The following KCNJ3 variants were observed in gnomAD, a reference collection of about 807,000 sequenced individuals.
KCNJ3 encodes the protein G protein-activated inward rectifier potassium channel 1.
A neutral mutation model predicts 39.2 loss-of-function variants in KCNJ3; 4 were observed. The observed-to-expected ratio is 0.10, with a 90% CI of 0.05 to 0.23. The LOEUF is 0.23. Ranked by LOEUF, KCNJ3 falls within the 10% of genes least tolerant of loss-of-function variation. The pLI is 1.00. For missense variants in KCNJ3, 276 were observed against 634.9 expected (o/e 0.43, Z 6.08); for synonymous variants, 230 against 237.4 (o/e 0.97, Z 0.29).
intron 2 of KCNJ3, among the ~76,000 whole-genome samples, chr2:154,814,455 T>G (rs1049731148): frequency 2.6e-5 from 4 of 152,020 alleles, no homozygotes; most frequent in African/African-American, 9.7e-5. Flanking sequence ...CTGGCCAACA[T>G]GGTGAAACCT....
chr2:154,739,332 T>C (rs1412754840), intron 2 of KCNJ3, among the ~76,000 whole-genome samples: 2 of 152,086 alleles, frequency 1.3e-5, no homozygotes, highest in Non-Finnish European at 2.9e-5. Flanking sequence ...GCACAAGATA[T>C]TTTTTCTTTC....
At chr2:154,730,462 T>C (rs1685431209) in intron 2 of KCNJ3, among the ~76,000 whole-genome samples, 2 of 152,106 alleles carry the variant, frequency 1.3e-5, no homozygotes, top group Admixed American at 1.3e-4. Context: ...CTTAATAATT[T>C]AAAAGTCCAA....
At chr2:154,746,840 T>C (rs1313015634) in intron 2 of KCNJ3, among the ~76,000 whole-genome samples, 1 of 151,830 alleles carries the variant, frequency 6.6e-6, no homozygotes, top group Admixed American at 6.6e-5. Flanking sequence ...AAATGATTTG[T>C]GAAATATATT....
At chr2:154,780,879 T>A (rs1686427720) in intron 2 of KCNJ3, among the ~76,000 whole-genome samples, 2 of 152,204 alleles carry the variant, frequency 1.3e-5, no homozygotes, top group African/African-American at 4.8e-5. Flanking sequence ...GTTTACTTGC[T>A]ATCCCCAGAA....
chr2:154,831,923 G>C (rs1363005381), intron 2 of KCNJ3, among the ~76,000 whole-genome samples: 6 of 152,146 alleles, frequency 3.9e-5, no homozygotes. Context: ...TTTGCTTCTG[G>C]TGAGGACTCA....
intron 2 of KCNJ3, among the ~76,000 whole-genome samples, chr2:154,788,138 A>G (rs1686566661): frequency 6.6e-6 from 1 of 152,126 alleles, no homozygotes; most frequent in Non-Finnish European, 1.5e-5. Context: ...TAAGATACAG[A>G]AAAGGAGGCC....
Position 154,844,977 on chromosome 2 carries a change from A to G in KCNJ3, c.920-9750A>G, listed in dbSNP as rs181990576. On this transcript the variant is annotated intron_variant, in intron 2 of 2. Coordinates refer to ENST00000295101, the MANE Select transcript of KCNJ3 (RefSeq NM_002239.4). ...TGCACCCACTGTCCAACCAGTCCCAATGAGATGAACCAGGTACCTCAGTTG... is the reference window on the plus strand; with the variant it reads ...TGCACCCACTGTCCAACCAGTCCCAGTGAGATGAACCAGGTACCTCAGTTG... Among the ~76,000 whole-genome samples the G allele has an allele frequency of 4.7e-3, 719 of 152,236 alleles. 3 individuals are homozygous for G. The highest frequency in any genetic ancestry group is 6.8e-3 in the Middle Eastern group (2 of 294).
In KCNJ3 at chr2:154,789,517, T is replaced by C. The variant is rs368167166; in HGVS notation, c.920-65210T>C. On this transcript the variant is annotated intron_variant, in intron 2 of 2. Coordinates refer to ENST00000295101, the MANE Select transcript of KCNJ3 (RefSeq NM_002239.4). ...AAGTCAAACCTGATTACTGGGATAA[T>C]GCACTCAAAAGTGCCATGCAAAACA... 3.0e-4 allele frequency among the ~76,000 whole-genome samples: 45 copies of C among 152,160 alleles called. No homozygotes were observed. In the South Asian group the frequency reaches 9.1e-3, roughly 31 times the overall value.
chr2:154,827,952 G>A (rs918594883), intron 2 of KCNJ3, among the ~76,000 whole-genome samples: 7 of 152,020 alleles, frequency 4.6e-5, no homozygotes, highest in Non-Finnish European at 1.0e-4. Context: ...TTAGATTTTA[G>A]AAAATATAAA....
chr2:154,844,202 C>T (rs973006462), intron 2 of KCNJ3, among the ~76,000 whole-genome samples: 1 of 152,162 alleles, frequency 6.6e-6, no homozygotes, highest in African/African-American at 2.4e-5. Context: ...CAATCAGCTC[C>T]CTCAGCTGCA....
chr2:154,700,846 A>G (rs985996869), intron 1 of KCNJ3, among the ~76,000 whole-genome samples: 1 of 152,198 alleles, frequency 6.6e-6, no homozygotes, highest in Non-Finnish European at 1.5e-5. Context: ...CTGTCACATC[A>G]TATCATATGC....
chr2:154,725,750 A>G (rs1685343880), intron 2 of KCNJ3, among the ~76,000 whole-genome samples: 2 of 152,180 alleles, frequency 1.3e-5, no homozygotes, highest in South Asian at 4.1e-4. Flanking sequence ...TTGGTATAAA[A>G]ATAGGCACAT....
chr2:154,775,366 G>A (rs564486575), intron 2 of KCNJ3, among the ~76,000 whole-genome samples: 1 of 152,086 alleles, frequency 6.6e-6, no homozygotes, highest in South Asian at 2.1e-4. Context: ...AATTTATTAC[G>A]CTATTCTGGA....
At position 154,709,825 on chromosome 2, in the gene KCNJ3, TAAAAACAGATATGCCATA is replaced by T; in HGVS notation, c.919+9_919+26del. 1 of 1,613,194 alleles carries T rather than the reference TAAAAACAGATATGCCATA, an allele frequency of 6.2e-7. No individual in the cohort carries two copies. Among genetic ancestry groups the T allele is most frequent in the Non-Finnish European group, 8.5e-7 (1 of 1,179,506 alleles). ...AGGCATTGTGGAAACAACTGGTGAG[TAAAAACAGATATGCCATA>T]AAGTTTCTTTATACCATAATGACAT... On this transcript the variant is annotated splice_region_variant and intron_variant, in intron 2 of 2. Coordinates refer to ENST00000295101, the MANE Select transcript of KCNJ3 (RefSeq NM_002239.4).
intron 2 of KCNJ3, among the ~76,000 whole-genome samples, chr2:154,730,996 A>C (rs1022943649): frequency 6.6e-6 from 1 of 152,168 alleles, no homozygotes; most frequent in Non-Finnish European, 1.5e-5. Flanking sequence ...ACTCTATGTT[A>C]TGATTCTTAT....
Position 154,857,976 on chromosome 2 carries a change from T to C in KCNJ3, c.*2663T>C, listed in dbSNP as rs896797412. The C allele has an allele frequency of 3.0e-5, 4 of 131,326 alleles. No homozygotes were observed. The highest frequency in any genetic ancestry group is 1.2e-4 in the African/African-American group (4 of 34,590). 8.1% of individuals were successfully genotyped at this position (131,326 alleles called of 1,614,324 possible). A position where few individuals can be genotyped will look rare whatever the true frequency, so the allele number is the denominator to read the frequency against. On this transcript the variant is annotated 3_prime_UTR_variant, in exon 3 of 3. Coordinates refer to ENST00000295101, the MANE Select transcript of KCNJ3 (RefSeq NM_002239.4). ...GCAAAGTAACTGTGTGGAATAAAAA[T>C]TGATTATTTTAGAAAATGTGACTGG... is the stretch of plus-strand genomic sequence containing the variant.
intron 1 of KCNJ3, among the ~76,000 whole-genome samples, chr2:154,706,949 T>C (rs527466475): frequency 6.6e-6 from 1 of 152,164 alleles, no homozygotes; most frequent in African/African-American, 2.4e-5. Context: ...CTCACTCTAC[T>C]ACAAAGTCAA....
intron 2 of KCNJ3, among the ~76,000 whole-genome samples, chr2:154,734,465 TA>T (rs1480560892): frequency 6.6e-6 from 1 of 152,180 alleles, no homozygotes; most frequent in Non-Finnish European, 1.5e-5. Context: ...ATTAGTGAAG[TA>T]TCAACCACAA....
At chr2:154,850,961 A>C (rs377721917) in intron 2 of KCNJ3, among the ~76,000 whole-genome samples, 61 of 152,296 alleles carry the variant, frequency 4.0e-4, no homozygotes, top group African/African-American at 1.4e-3. Flanking sequence ...TTTAAAAACA[A>C]ATTACTGGCT....
Sources: gnomAD v4.1 joint callset for allele counts (sites outside exome capture counted in the v4.1 genomes callset) on GRCh38, gnomAD v4.1.1 for gene constraint, MANE v1.5 for transcripts, NCBI Gene and HGNC (gene_info 2026-07-23, HGNC 2026-07-21) for gene names.